Variants in COPG2 observed in about 807,000 individuals in gnomAD.
COPG2 encodes coatomer subunit gamma-2.
COPG2 carries 37 observed loss-of-function variants against 46.3 expected under a neutral mutation model. The observed-to-expected ratio is 0.80, with a 90% confidence interval of 0.61 to 1.05. The LOEUF is 1.05. Ranked by LOEUF, COPG2 falls within the 50% of genes least tolerant of loss-of-function variation. The probability of loss-of-function intolerance (pLI) is 0.00; values close to 1 mark genes in which losing one functional copy is unlikely to be tolerated. For missense variants in COPG2, 427 were observed against 387.8 expected, an observed-to-expected ratio of 1.10 and a Z score of -0.85; for synonymous variants, 159 against 129.7, an observed-to-expected ratio of 1.23 and a Z score of -1.53.
At chr7:130,655,872 T>C (rs559199174) in intron 4 of COPG2, among the ~76,000 whole-genome samples, 3 of 152,358 alleles carry the variant, frequency 2.0e-5, no homozygotes, top group African/African-American at 7.2e-5. Context: ...TACTTTATCA[T>C]GGCTGTAAAC....
At chr7:130,587,956 A>C (rs1554448331) in intron 9 of COPG2, among the ~76,000 whole-genome samples, 1 of 152,174 alleles carries the variant, frequency 6.6e-6, no homozygotes, top group East Asian at 1.9e-4. Context: ...AGAAAAAAAA[A>C]CAAACAACCC....
intron 9 of COPG2, among the ~76,000 whole-genome samples, chr7:130,604,942 A>T (rs1794700956): frequency 1.3e-5 from 2 of 152,206 alleles, no homozygotes; most frequent in Non-Finnish European, 2.9e-5. Context: ...CTGTATTTTT[A>T]AAATGAGGTA....
intron 20 of COPG2, among the ~76,000 whole-genome samples, chr7:130,537,438 T>G (rs1251841187): frequency 6.7e-6 from 1 of 149,784 alleles, no homozygotes; most frequent in Non-Finnish European, 1.5e-5. Context: ...ATTAGGCCAG[T>G]GGCAGAATCG....
At chr7:130,665,886 G>C (rs1245947120) in intron 3 of COPG2, among the ~76,000 whole-genome samples, 2 of 150,730 alleles carry the variant, frequency 1.3e-5, no homozygotes, top group East Asian at 3.9e-4. Flanking sequence ...ACAGCAGCAA[G>C]CAGAATCTAC....
At chr7:130,595,411 A>G (rs1794509154) in intron 9 of COPG2, among the ~76,000 whole-genome samples, 1 of 152,214 alleles carries the variant, frequency 6.6e-6, no homozygotes, top group African/African-American at 2.4e-5. Context: ...TTGTGAGGTG[A>G]TGCAAATGGT....
intron 14 of COPG2, among the ~76,000 whole-genome samples, chr7:130,554,122 GA>G (rs1793578090): frequency 6.6e-6 from 1 of 152,174 alleles, no homozygotes; most frequent in East Asian, 1.9e-4. Context: ...TTTAATGGGA[GA>G]GATTTGGATC....
chr7:130,572,117 T>C (rs1409477939), intron 9 of COPG2, among the ~76,000 whole-genome samples: 1 of 152,016 alleles, frequency 6.6e-6, no homozygotes, highest in Admixed American at 6.6e-5. Context: ...GAGTAAGGGA[T>C]AAAAGACTAC....
At chr7:130,527,537 C>G in intron 20 of COPG2, among the ~76,000 whole-genome samples, 1 of 150,024 alleles carries the variant, frequency 6.7e-6, no homozygotes, top group East Asian at 2.0e-4. Context: ...GAAGGGTGAG[C>G]AGTGTTCAGC....
At chr7:130,629,722 G>T (rs1227163933) in intron 5 of COPG2, among the ~76,000 whole-genome samples, 1 of 151,908 alleles carries the variant, frequency 6.6e-6, no homozygotes, top group Non-Finnish European at 1.5e-5. Flanking sequence ...ACATATGCTA[G>T]TCTGTTTGAT....
chr7:130,659,721 G>A (rs1371441264), intron 4 of COPG2, among the ~76,000 whole-genome samples: 3 of 152,090 alleles, frequency 2.0e-5, no homozygotes, highest in Non-Finnish European at 4.4e-5. Context: ...AGACCATCCT[G>A]GCCAACATGA....
At chr7:130,645,061 C>T (rs1354249205) in intron 5 of COPG2, among the ~76,000 whole-genome samples, 4 of 117,828 alleles carry the variant, frequency 3.4e-5, no homozygotes, top group Admixed American at 1.7e-4. Flanking sequence ...AGACTTCATC[C>T]CAAAAACAAA....
chr7:130,549,933 G>A (rs1232114251), intron 17 of COPG2, among the ~76,000 whole-genome samples: 1 of 152,038 alleles, frequency 6.6e-6, no homozygotes, highest in Non-Finnish European at 1.5e-5. Context: ...AATAAAAATA[G>A]GAGGCGACAG....
intron 5 of COPG2, among the ~76,000 whole-genome samples, chr7:130,629,648 G>A (rs551237061): frequency 4.6e-5 from 7 of 151,948 alleles, no homozygotes; most frequent in East Asian, 1.9e-4. Context: ...CACCCACCTC[G>A]GCCTCCCAAA....
At chr7:130,666,972 C>A in intron 2 of COPG2, 43 bp from the exon 3 acceptor site, 1 of 1,045,298 alleles carries the variant, frequency 9.6e-7, no homozygotes, top group South Asian at 1.5e-5. Context: ...TCTACCTTTT[C>A]TATCACAGAT....
In COPG2 at chr7:130,652,874, T is replaced by C. The variant is rs1362527015; in HGVS notation, c.318A>G (p.Thr106=). The stretch of plus-strand genomic sequence containing the variant: ...GATTTTGACCATTTACATACCTGCT[T>C]GTGACAATTATCACATCCTCAGAGA... ...ATISEDVIIV[T]SSLTKDMTGK... is the part of the protein sequence containing the mutation. The change falls in exon 5 of 24, where the codon ACA becomes ACG. Residue 106 remains threonine, a synonymous_variant. Coordinates refer to ENST00000425248, the MANE Select transcript of COPG2 (RefSeq NM_012133.6). The C allele has an allele frequency of 2.5e-6, 4 of 1,595,922 alleles. No individual in the cohort carries two copies. The highest frequency in any genetic ancestry group is 1.7e-5 in the Admixed American group (1 of 59,052).
At chr7:130,528,931 G>A (rs1799799138) in intron 20 of COPG2, among the ~76,000 whole-genome samples, 1 of 152,056 alleles carries the variant, frequency 6.6e-6, no homozygotes, top group Admixed American at 6.5e-5. Context: ...CATAGTGTGG[G>A]TAAGATAAGC....
intron 9 of COPG2, among the ~76,000 whole-genome samples, chr7:130,600,276 A>T (rs893214174): frequency 1.1e-4 from 16 of 151,874 alleles, no homozygotes; most frequent in East Asian, 1.9e-4. Context: ...TTATTTATTT[A>T]TTTTTTGAGA....
At chr7:130,659,586 T>TAACAAGCC (rs1795932964) in intron 4 of COPG2, among the ~76,000 whole-genome samples, 1 of 152,122 alleles carries the variant, frequency 6.6e-6, no homozygotes, top group South Asian at 2.1e-4. Context: ...GAAGTACATG[T>TAACAAGCC]AACAAGCCAG....
chr7:130,646,747 T>C (rs1415254474), intron 5 of COPG2, among the ~76,000 whole-genome samples: 1 of 151,836 alleles, frequency 6.6e-6, no homozygotes, highest in Non-Finnish European at 1.5e-5. Context: ...GTTTTATAAA[T>C]GGCAGTTTTT....
Sources: gnomAD v4.1 joint callset for allele counts (sites outside exome capture counted in the v4.1 genomes callset) on GRCh38, gnomAD v4.1.1 for gene constraint, MANE v1.5 for transcripts, NCBI Gene and HGNC (gene_info 2026-07-23, HGNC 2026-07-21) for gene names.